The following TRAPPC9 variants were observed in gnomAD, a reference collection of about 807,000 sequenced individuals.
TRAPPC9 encodes the protein IKK2 binding protein.
TRAPPC9 carries 83 observed loss-of-function variants against 124.0 expected under a neutral mutation model. The ratio of observed to expected loss-of-function variants is 0.67; its 90% CI spans 0.56 to 0.80. TRAPPC9 has a LOEUF of 0.80. Among genes scored for constraint, TRAPPC9 ranks in the 30% least tolerant of loss-of-function variants. The pLI is 0.00. For synonymous variants in TRAPPC9, 638 were observed against 617.5 expected (o/e 1.03, Z -0.49); for missense variants, 1,302 against 1,508.3 (o/e 0.86, Z 2.27).
At chr8:139,971,467 C>T (rs986883090) in intron 19 of TRAPPC9, among the ~76,000 whole-genome samples, 1 of 152,160 alleles carries the variant, frequency 6.6e-6, no homozygotes, top group South Asian at 2.1e-4. Flanking sequence ...GCCTCTTCCA[C>T]CAGAAAGCTG....
chr8:139,999,715 T>A (rs1838266201), intron 18 of TRAPPC9, among the ~76,000 whole-genome samples: 1 of 152,200 alleles, frequency 6.6e-6, no homozygotes, highest in African/African-American at 2.4e-5. Flanking sequence ...ATACAAAGTA[T>A]CTTCTCTGAC....
chr8:139,897,599 G>GATC (rs1212571641), intron 20 of TRAPPC9, among the ~76,000 whole-genome samples: 1 of 152,184 alleles, frequency 6.6e-6, no homozygotes, highest in Non-Finnish European at 1.5e-5. Context: ...GTTACCTACA[G>GATC]ATCATCCCAC....
At chr8:139,941,442 G>A (rs1283464670) in intron 19 of TRAPPC9, among the ~76,000 whole-genome samples, 1 of 152,228 alleles carries the variant, frequency 6.6e-6, no homozygotes, top group East Asian at 1.9e-4. Flanking sequence ...TGTGCTCTCA[G>A]TTGCAAGACT....
chr8:140,277,508 G>T (rs1274941641), intron 14 of TRAPPC9, among the ~76,000 whole-genome samples: 1 of 152,240 alleles, frequency 6.6e-6, no homozygotes, highest in African/African-American at 2.4e-5. Context: ...ACACTGCCAA[G>T]ATTCACTATT....
At chr8:140,456,199 G>A (rs2071657966) in intron 1 of TRAPPC9, among the ~76,000 whole-genome samples, 1 of 152,166 alleles carries the variant, frequency 6.6e-6, no homozygotes, top group Non-Finnish European at 1.5e-5. Flanking sequence ...CACGAGGTCA[G>A]GAGTTCGAGA....
chr8:140,450,695 C>T (rs1564032054), intron 2 of TRAPPC9, 95 bp downstream of exon 2: 2 of 987,696 alleles, frequency 2.0e-6, no homozygotes, highest in East Asian at 2.6e-5. Context: ...CAATGGACAA[C>T]ACCTTTCTAC....
intron 8 of TRAPPC9, 51 bp downstream of exon 8, chr8:140,370,913 G>A: frequency 6.3e-7 from 1 of 1,598,444 alleles, no homozygotes; most frequent in Non-Finnish European, 8.6e-7. Flanking sequence ...AACAGCATGT[G>A]ACCATCAGAC....
intron 18 of TRAPPC9, among the ~76,000 whole-genome samples, chr8:140,010,253 AT>A (rs1162118185): frequency 7.9e-5 from 12 of 152,326 alleles, no homozygotes; most frequent in Non-Finnish European, 1.6e-4. Context: ...CAAAAAACAT[AT>A]GAAAGATGGA....
intron 21 of TRAPPC9, among the ~76,000 whole-genome samples, chr8:139,820,209 C>T (rs906299093): frequency 2.0e-5 from 3 of 151,872 alleles, no homozygotes; most frequent in African/African-American, 7.3e-5. Context: ...GAGATGGAGT[C>T]TTACTTTGCC....
intron 17 of TRAPPC9, among the ~76,000 whole-genome samples, chr8:140,058,455 T>C (rs1033228988): frequency 6.6e-6 from 1 of 152,214 alleles, no homozygotes; most frequent in Non-Finnish European, 1.5e-5. Context: ...ATTCATTCAC[T>C]ATTCATCCCT....
chr8:140,413,154 C>T (rs780257202), intron 5 of TRAPPC9, among the ~76,000 whole-genome samples: 12 of 151,994 alleles, frequency 7.9e-5, no homozygotes, highest in Admixed American at 3.9e-4. Flanking sequence ...TTTGGGAGGC[C>T]GAGGCAGGTA....
At chr8:139,978,870 G>A (rs1001932500) in intron 19 of TRAPPC9, among the ~76,000 whole-genome samples, 3 of 151,392 alleles carry the variant, frequency 2.0e-5, no homozygotes, top group African/African-American at 4.8e-5. Context: ...AGCTGGGATC[G>A]CAACGCGTCT....
chr8:140,130,023 G>A (rs905843791), intron 17 of TRAPPC9, among the ~76,000 whole-genome samples: 5 of 152,174 alleles, frequency 3.3e-5, no homozygotes, highest in Non-Finnish European at 7.4e-5. Flanking sequence ...AAAGGACAAC[G>A]TTAGCCTGGA....
intron 7 of TRAPPC9, among the ~76,000 whole-genome samples, chr8:140,381,230 A>G (rs2068599066): frequency 6.6e-6 from 1 of 151,842 alleles, no homozygotes; most frequent in Admixed American, 6.6e-5. Flanking sequence ...AGAAGAAGAA[A>G]AGAAAAAGAA....
intron 18 of TRAPPC9, among the ~76,000 whole-genome samples, chr8:139,993,034 G>A (rs1837740308): frequency 6.6e-6 from 1 of 152,082 alleles, no homozygotes; most frequent in South Asian, 2.1e-4. Context: ...TAAAATATAA[G>A]GGAAAAGAAT....
intron 19 of TRAPPC9, among the ~76,000 whole-genome samples, chr8:139,925,973 C>T (rs1466955421): frequency 6.6e-6 from 1 of 152,198 alleles, no homozygotes; most frequent in African/African-American, 2.4e-5. Context: ...TGGGACAGAC[C>T]CAATGGTGTG....
At chr8:140,046,312 C>A (rs918314986) in intron 17 of TRAPPC9, among the ~76,000 whole-genome samples, 4 of 152,266 alleles carry the variant, frequency 2.6e-5, no homozygotes, top group Non-Finnish European at 5.9e-5. Flanking sequence ...GGCAACAATG[C>A]CTTCTTGGCA....
chr8:139,994,959 G>T (rs1433878104), intron 18 of TRAPPC9, among the ~76,000 whole-genome samples: 6 of 141,240 alleles, frequency 4.2e-5, no homozygotes, highest in Admixed American at 2.2e-4. Flanking sequence ...TTAAGCAGAT[G>T]AGTGACATGA....
At chr8:140,174,093 G>C (rs1216457347) in intron 17 of TRAPPC9, among the ~76,000 whole-genome samples, 1 of 152,050 alleles carries the variant, frequency 6.6e-6, no homozygotes, top group Non-Finnish European at 1.5e-5. Context: ...GGAGAAGAAG[G>C]AAAAATGTTT....
Sources: allele counts gnomAD v4.1 joint callset (sites outside exome capture counted in the v4.1 genomes callset), GRCh38; gene constraint gnomAD v4.1.1; transcripts MANE v1.5; gene names NCBI Gene and HGNC (gene_info 2026-07-23, HGNC 2026-07-21).